The following CDKL5 variants were observed in gnomAD, a reference collection of about 807,000 sequenced individuals.
The protein encoded by CDKL5 is cyclin dependent kinase like 5.
In CDKL5, 8 loss-of-function variants were observed where a neutral mutation model predicts 61.7. The ratio of observed to expected loss-of-function variants is 0.13; its 90% CI spans 0.08 to 0.23. The LOEUF is 0.23. CDKL5 is among the 10% of genes least tolerant of loss of function. CDKL5 has a pLI of 1.00. For missense variants in CDKL5, 440 were observed against 734.5 expected, an observed-to-expected ratio of 0.60 and a Z score of 4.63; for synonymous variants, 275 against 272.3, an observed-to-expected ratio of 1.01 and a Z score of -0.10.
chrX:18,489,279 G>C (rs1921903974), intron 1 of CDKL5, among the ~76,000 whole-genome samples: 1 of 111,065 alleles, frequency 9.0e-6, no homozygotes, highest in Non-Finnish European at 1.9e-5. Flanking sequence ...TCCTGCCTCA[G>C]CCTCCCGAGT....
At chrX:18,443,174 T>C (rs1295274666) in intron 1 of CDKL5, among the ~76,000 whole-genome samples, 1 of 111,882 alleles carries the variant, frequency 8.9e-6, no homozygotes, top group African/African-American at 3.3e-5. Flanking sequence ...TTAAAAAATG[T>C]TCTTAATTAT....
At chrX:18,456,768 T>A (rs1272870537) in intron 1 of CDKL5, among the ~76,000 whole-genome samples, 1 of 112,023 alleles carries the variant, frequency 8.9e-6, no homozygotes, top group Non-Finnish European at 1.9e-5. Context: ...CAAATACACC[T>A]AGTCTTCCTA....
rs1462853207 is a variant in CDKL5, at chrX:18,639,408, G to A, written c.*10651G>A. 2.7e-5 allele frequency among the ~76,000 whole-genome samples: 3 copies of A among 112,436 alleles called. No individual in the cohort carries two copies. Among genetic ancestry groups the A allele is most frequent in the Non-Finnish European group, 5.6e-5 (3 of 53,307 alleles). On this transcript the variant is annotated 3_prime_UTR_variant, in exon 18 of 18. Transcript: ENST00000623535. ...CAAATGGCCAGTAAACACATGAAAAGATGCTCAACATCATTAGTCACTAGG... is the reference window on the plus strand; with the variant it reads ...CAAATGGCCAGTAAACACATGAAAAAATGCTCAACATCATTAGTCACTAGG...
intron 1 of CDKL5, among the ~76,000 whole-genome samples, chrX:18,428,095 A>T (rs1334759044): frequency 9.0e-6 from 1 of 111,683 alleles, no homozygotes; most frequent in Non-Finnish European, 1.9e-5. Flanking sequence ...CGGGAACCAG[A>T]TTTTACGTGG....
chrX:18,441,228 C>CAACAGGCTGA (rs1469128845), intron 1 of CDKL5, among the ~76,000 whole-genome samples: 1 of 111,085 alleles, frequency 9.0e-6, no homozygotes, highest in Admixed American at 9.6e-5. Context: ...CCAGCCTGGG[C>CAACAGGCTGA]AACATGGTGA....
In CDKL5 at chrX:18,564,494, G is replaced by A; in HGVS notation, c.117G>A (p.Val39=). Residue 39 remains valine, a synonymous_variant, in exon 4 of 18, where the codon GTG becomes GTA. Transcript: ENST00000623535. ...KCRHKETHEI[V]AIKKFKDSEE... is the part of the protein sequence containing the mutation. ...CCTTGCAGGAAACACATGAAATTGTGGCGATCAAGAAATTCAAGGACAGTG... is the reference window on the plus strand; with the variant it reads ...CCTTGCAGGAAACACATGAAATTGTAGCGATCAAGAAATTCAAGGACAGTG... 8.8e-7 allele frequency: 1 copy of A among 1,134,966 alleles called. No individual in the cohort carries two copies. Among genetic ancestry groups the A allele is most frequent in the Non-Finnish European group, 1.2e-6 (1 of 832,848 alleles). The allele number at this position is 1,134,966 out of a possible 1,213,427, so 93.5% of individuals were successfully genotyped here. A position where few individuals can be genotyped will look rare whatever the true frequency, so the allele number is the denominator to read the frequency against.
At chrX:18,454,020 A>AAG (rs1247511733) in intron 1 of CDKL5, among the ~76,000 whole-genome samples, 3 of 111,512 alleles carry the variant, frequency 2.7e-5, no homozygotes, top group Middle Eastern at 4.6e-3. Flanking sequence ...AGGTATTTTG[A>AAG]AGAGGTGGTT....
intron 1 of CDKL5, among the ~76,000 whole-genome samples, chrX:18,439,591 A>G (rs1199357456): frequency 2.7e-5 from 3 of 111,303 alleles, no homozygotes; most frequent in Non-Finnish European, 5.7e-5. Flanking sequence ...ATATCCCAGC[A>G]CTTTGGGAGG....
intron 2 of CDKL5, among the ~76,000 whole-genome samples, chrX:18,509,197 G>GCACGCGCA (rs1204561636): frequency 3.1e-5 from 2 of 64,314 alleles, no homozygotes; most frequent in Non-Finnish European, 5.6e-5. Flanking sequence ...CTCAAAACAC[G>GCACGCGCA]CACACACACA....
At chrX:18,644,413 G>T, downstream of CDKL5, 1 of 1,208,087 alleles carries the variant, frequency 8.3e-7, no homozygotes, top group Non-Finnish European at 1.1e-6. Context: ...AGTTGGTTTG[G>T]GATAAGCCCA....
intron 20 of CDKL5, chrX:18,650,320 C>T (rs904595777): frequency 1.2e-6 from 1 of 865,942 alleles, no homozygotes; most frequent in African/African-American, 1.9e-5. Context: ...GACGCTCTCA[C>T]TGTCACCTTG....
chrX:18,519,919 C>T (rs1424199702), intron 3 of CDKL5, among the ~76,000 whole-genome samples: 1 of 111,827 alleles, frequency 8.9e-6, no homozygotes, highest in Non-Finnish European at 1.9e-5. Flanking sequence ...GCTTTATTTT[C>T]GTGTCTCTTT....
At chrX:18,518,971 TG>T (rs760835263) in intron 3 of CDKL5, among the ~76,000 whole-genome samples, 4 of 111,154 alleles carry the variant, frequency 3.6e-5, no homozygotes, top group Admixed American at 9.6e-5. Flanking sequence ...TGAATGAGAA[TG>T]GTATAGTGAG....
chrX:18,461,172 G>A (rs1260074135), intron 1 of CDKL5, among the ~76,000 whole-genome samples: 1 of 111,959 alleles, frequency 8.9e-6, no homozygotes, highest in Non-Finnish European at 1.9e-5. Context: ...GAATGTTTTT[G>A]TACCGGTCTT....
intron 3 of CDKL5, among the ~76,000 whole-genome samples, chrX:18,545,915 C>T (rs1924177005): frequency 9.0e-6 from 1 of 111,721 alleles, no homozygotes; most frequent in South Asian, 3.7e-4. Context: ...AGTTCTAGCT[C>T]AAGAGAAACC....
chrX:18,536,432 G>GTTTTTT lies in CDKL5; in HGVS notation c.99+25605_99+25610dup, dbSNP rs746308567. ...AGAGAGTATTATTTATTCAATACAG[G>GTTTTTT]TTTTTTTTTTTTTTTTTTTTTTTTT... is the stretch of plus-strand genomic sequence containing the variant. On this transcript the variant is annotated intron_variant, in intron 3 of 17. Coordinates refer to ENST00000623535, the MANE Select transcript of CDKL5 (RefSeq NM_001323289.2). Among the ~76,000 whole-genome samples, 9 of 40,560 alleles carry GTTTTTT rather than the reference G, an allele frequency of 2.2e-4. 1 individual carries two copies. The East Asian group carries it at 4.4e-3, about 20-fold the overall frequency. 35.2% of individuals were successfully genotyped at this position (40,560 alleles called of 115,157 possible).
Position 18,598,521 on chromosome X carries a change from T to C in CDKL5, c.885T>C (p.Pro295=). Residue 295 remains proline (P), a synonymous_variant, in exon 11 of 18, where the codon CCT becomes CCC. Coordinates refer to ENST00000623535, the MANE Select transcript of CDKL5 (RefSeq NM_001323289.2). ...RYLTEQCLNH[P]TFQTQRLLDR... ...TGACAGAACAGTGTTTGAATCACCC[T>C]ACATTTCAAACCCAGAGACTTCTGG... 8.3e-7 allele frequency: 1 copy of C among 1,206,030 alleles called. No individual in the cohort carries two copies. The highest frequency in any genetic ancestry group is 1.1e-6 in the Non-Finnish European group (1 of 890,082).
At chrX:18,503,464 G>C (rs997458881) in intron 1 of CDKL5, among the ~76,000 whole-genome samples, 2 of 111,752 alleles carry the variant, frequency 1.8e-5, no homozygotes, top group Non-Finnish European at 3.8e-5. Context: ...GATTATAGGC[G>C]TGAGCCATTG....
intron 1 of CDKL5, among the ~76,000 whole-genome samples, chrX:18,432,045 A>G (rs1317278555): frequency 9.3e-6 from 1 of 107,484 alleles, no homozygotes; most frequent in East Asian, 2.9e-4. Context: ...AGTAGCTGGA[A>G]CTACAGGCAC....
Sources: gnomAD v4.1 joint callset for allele counts (sites outside exome capture counted in the v4.1 genomes callset) on GRCh38, gnomAD v4.1.1 for gene constraint, MANE v1.5 for transcripts, NCBI Gene and HGNC (gene_info 2026-07-23, HGNC 2026-07-21) for gene names.